BRD10: variants seen among roughly 807,000 people sequenced by gnomAD.
BRD10 encodes uncharacterized bromodomain-containing protein 10.
the BRD10 span, among the ~76,000 whole-genome samples, chr9:5,983,792 A>G: frequency 1.3e-5 from 2 of 152,232 alleles, no homozygotes; most frequent in South Asian, 2.1e-4. Flanking sequence ...CTAATTATAA[A>G]GAGAAAATCT....
At chr9:5,919,672 T>C in the BRD10 span, 1 of 1,583,280 alleles carries the variant, frequency 6.3e-7, no homozygotes, top group Non-Finnish European at 8.6e-7. Flanking sequence ...AACTGGCTCT[T>C]TTAGTCTAAA....
the BRD10 span, among the ~76,000 whole-genome samples, chr9:5,981,254 G>C: frequency 6.6e-5 from 10 of 152,346 alleles, no homozygotes; most frequent in South Asian, 2.1e-3. Flanking sequence ...CTCCTCATGA[G>C]GTTGCCTTGG....
the BRD10 span, among the ~76,000 whole-genome samples, chr9:5,888,280 A>G: frequency 1.3e-5 from 2 of 152,224 alleles, no homozygotes; most frequent in East Asian, 3.8e-4. Flanking sequence ...AAGTAGAATC[A>G]GCTCTGGGGT....
chr9:5,947,281 T>C, the BRD10 span, among the ~76,000 whole-genome samples: 6 of 152,134 alleles, frequency 3.9e-5, no homozygotes, highest in African/African-American at 1.4e-4. Context: ...AGGTGAGACC[T>C]TGGATTCTGC....
the BRD10 span, among the ~76,000 whole-genome samples, chr9:5,960,300 G>A: frequency 6.6e-6 from 1 of 152,216 alleles, no homozygotes; most frequent in East Asian, 1.9e-4. Flanking sequence ...GCTGCCTCAC[G>A]CCTGTAATCC....
chr9:5,999,437 C>G, the BRD10 span, among the ~76,000 whole-genome samples: 3 of 152,048 alleles, frequency 2.0e-5, no homozygotes, highest in African/African-American at 7.2e-5. Context: ...ACTCGGAAGT[C>G]AAGAATAAGC....
chr9:5,947,668 T>C, the BRD10 span, among the ~76,000 whole-genome samples: 3 of 152,034 alleles, frequency 2.0e-5, no homozygotes, highest in Non-Finnish European at 4.4e-5. Flanking sequence ...TAAAACTGAA[T>C]AGGAACACAA....
chr9:5,973,110 G>A, the BRD10 span, among the ~76,000 whole-genome samples: 1 of 152,198 alleles, frequency 6.6e-6, no homozygotes, highest in Non-Finnish European at 1.5e-5. Flanking sequence ...ACATAGATAT[G>A]GCATAAATAA....
the BRD10 span, among the ~76,000 whole-genome samples, chr9:5,993,638 G>T: frequency 6.6e-6 from 1 of 152,116 alleles, no homozygotes; most frequent in Non-Finnish European, 1.5e-5. Context: ...AGGCCATAAC[G>T]ATGGAGCACA....
At chr9:5,898,474 C>A in the BRD10 span, among the ~76,000 whole-genome samples, 1 of 152,180 alleles carries the variant, frequency 6.6e-6, no homozygotes, top group South Asian at 2.1e-4. Context: ...TACCTCTTAC[C>A]ATTGTTGCAT....
At chr9:5,929,166 AT>A in the BRD10 span, 1 of 1,399,992 alleles carries the variant, frequency 7.1e-7, no homozygotes, top group African/African-American at 1.4e-5. Flanking sequence ...TTCCCTAAAA[AT>A]AATGTTTAAA....
At chr9:5,951,657 TTATTA>T in the BRD10 span, among the ~76,000 whole-genome samples, 6 of 152,208 alleles carry the variant, frequency 3.9e-5, no homozygotes, top group Admixed American at 3.9e-4. Context: ...TGAATTCACT[TTATTA>T]TATAATAGTC....
At chr9:5,924,842 G>A in the BRD10 span, 22 of 1,486,598 alleles carry the variant, frequency 1.5e-5, no homozygotes, top group East Asian at 2.4e-5. Flanking sequence ...TCTTCAGGCG[G>A]CTCCTGAAAT....
At chr9:5,888,203 G>A in the BRD10 span, among the ~76,000 whole-genome samples, 5 of 152,166 alleles carry the variant, frequency 3.3e-5, no homozygotes, top group Admixed American at 1.3e-4. Context: ...TGGAGAGCTG[G>A]TGAGCAAAGG....
At chr9:5,917,075 T>C in the BRD10 span, among the ~76,000 whole-genome samples, 1 of 152,232 alleles carries the variant, frequency 6.6e-6, no homozygotes, top group Non-Finnish European at 1.5e-5. Flanking sequence ...TCTAGATTTG[T>C]CACCCACCTA....
the BRD10 span, among the ~76,000 whole-genome samples, chr9:5,915,416 C>T: frequency 2.0e-5 from 3 of 152,232 alleles, no homozygotes; most frequent in Non-Finnish European, 4.4e-5. Context: ...TAATTGTCCC[C>T]ATCTTAAGTT....
At chr9:5,959,844 T>C in the BRD10 span, among the ~76,000 whole-genome samples, 1 of 152,220 alleles carries the variant, frequency 6.6e-6, no homozygotes, top group Non-Finnish European at 1.5e-5. Flanking sequence ...GATTCAATTA[T>C]TTAACATAGT....
the BRD10 span, chr9:5,898,943 C>G: frequency 1.3e-5 from 2 of 152,136 alleles, no homozygotes; most frequent in Admixed American, 6.5e-5. Context: ...CTTCTTTACC[C>G]AAATATGCAG....
chr9:5,959,659 T>C, the BRD10 span, among the ~76,000 whole-genome samples: 1 of 152,148 alleles, frequency 6.6e-6, no homozygotes, highest in Non-Finnish European at 1.5e-5. Flanking sequence ...GTAGTTAGGG[T>C]CTCTAGTGCT....
Sources: gnomAD v4.1 joint callset for allele counts (sites outside exome capture counted in the v4.1 genomes callset) on GRCh38, gnomAD v4.1.1 for gene constraint, MANE v1.5 for transcripts, NCBI Gene and HGNC (gene_info 2026-07-23, HGNC 2026-07-21) for gene names.